PLOD2: variants seen among roughly 807,000 people sequenced by gnomAD.
PLOD2 encodes procollagen-lysine,2-oxoglutarate 5-dioxygenase 2, also known as lysine hydroxylase 2.
In PLOD2, 65 loss-of-function variants were observed where a neutral mutation model predicts 101.0. The ratio of observed to expected loss-of-function variants is 0.64; its 90% CI spans 0.53 to 0.79. The LOEUF (loss-of-function observed/expected upper bound fraction) is 0.79, where lower values mean the gene tolerates loss of function less well. Ranked by LOEUF, PLOD2 falls within the 30% of genes least tolerant of loss-of-function variation. The pLI, the probability that PLOD2 is intolerant of heterozygous loss-of-function variation, is 0.00. For synonymous variants in PLOD2, 314 were observed against 302.9 expected (o/e 1.04, Z -0.38); for missense variants, 909 against 914.6 (o/e 0.99, Z 0.08).
Position 146,133,884 on chromosome 3 carries a change from A to G in PLOD2, c.110-9655T>C, listed in dbSNP as rs541517434. On this transcript the variant is annotated intron_variant, in intron 1 of 19. Transcript: ENST00000282903. ...AACCAAACAAACAAAAACAAAAGCT[A>G]TCTTAACAAGAGAAGTGATGATTAC... Among the ~76,000 whole-genome samples the G allele has an allele frequency of 1.6e-4, 25 of 152,318 alleles. No individual in the cohort carries two copies. In the South Asian group the frequency reaches 3.5e-3, roughly 21 times the overall value.
intron 5 of PLOD2, among the ~76,000 whole-genome samples, chr3:146,104,822 T>G (rs2108058427): frequency 6.6e-6 from 1 of 152,282 alleles, no homozygotes; most frequent in Non-Finnish European, 1.5e-5. Context: ...GGAGCATATA[T>G]CTGCTTAAAA....
At chr3:146,096,725 C>A (rs911925932) in intron 7 of PLOD2, among the ~76,000 whole-genome samples, 1 of 149,106 alleles carries the variant, frequency 6.7e-6, no homozygotes. Context: ...CGTCTCCGCC[C>A]GGAAGCCACC....
At chr3:146,111,694 T>C (rs1647824063) in intron 3 of PLOD2, among the ~76,000 whole-genome samples, 1 of 147,134 alleles carries the variant, frequency 6.8e-6, no homozygotes, top group Admixed American at 6.9e-5. Flanking sequence ...TTTTTCTGAC[T>C]GAAACCTCAA....
Position 146,104,355 on chromosome 3 carries a change from A to G in PLOD2, c.616-13T>C, listed in dbSNP as rs149019740. ...TGTTAATAGCTTCCTAAAACATAAG[A>G]ATAGAAATGATATTGAAAATGACAA... On this transcript the variant is annotated splice_polypyrimidine_tract_variant and intron_variant, in intron 5 of 19. Coordinates refer to ENST00000282903, the MANE Select transcript of PLOD2 (RefSeq NM_182943.3). 2.0e-5 allele frequency: 27 copies of G among 1,339,418 alleles called. No homozygotes were observed. Among genetic ancestry groups the G allele is most frequent in the Non-Finnish European group, 2.9e-5 (27 of 929,864 alleles). The allele number at this position is 1,339,418 out of a possible 1,614,324, so 83.0% of individuals were successfully genotyped here.
chr3:146,072,733 T>A (rs964401527), intron 16 of PLOD2, 68 bp from the exon 17 acceptor site: 2 of 927,088 alleles, frequency 2.2e-6, no homozygotes, highest in African/African-American at 3.3e-5. Context: ...AAATAGTTAT[T>A]TTAATATGTG....
chr3:146,152,811 G>A (rs1416406330), intron 1 of PLOD2, among the ~76,000 whole-genome samples: 1 of 152,200 alleles, frequency 6.6e-6, no homozygotes, highest in African/African-American at 2.4e-5. Flanking sequence ...CAAAGTCAGA[G>A]AAGAGTAAGA....
At chr3:146,086,954 G>A (rs756248567) in intron 9 of PLOD2, 46 bp from the exon 10 acceptor site, 3 of 1,184,926 alleles carry the variant, frequency 2.5e-6, no homozygotes, top group Non-Finnish European at 3.7e-6. Context: ...AAGACAATCA[G>A]ATGACTGAAG....
At chr3:146,117,062 C>A (rs993434804) in intron 3 of PLOD2, among the ~76,000 whole-genome samples, 2 of 152,040 alleles carry the variant, frequency 1.3e-5, no homozygotes, top group African/African-American at 4.8e-5. Flanking sequence ...GATGACTGCA[C>A]GACTCTGTAA....
intron 4 of PLOD2, among the ~76,000 whole-genome samples, chr3:146,107,169 G>A (rs1937549295): frequency 6.6e-6 from 1 of 152,182 alleles, no homozygotes. Context: ...TTATATCTAA[G>A]ACATTTTGGA....
chr3:146,113,389 A>G (rs1464353973), intron 3 of PLOD2, among the ~76,000 whole-genome samples: 2 of 152,176 alleles, frequency 1.3e-5, no homozygotes, highest in Non-Finnish European at 2.9e-5. Context: ...TTGGCTGTAA[A>G]AAGTCAAATT....
intron 1 of PLOD2, among the ~76,000 whole-genome samples, chr3:146,128,099 A>G (rs1368541829): frequency 6.6e-6 from 1 of 152,156 alleles, no homozygotes; most frequent in Non-Finnish European, 1.5e-5. Context: ...AGGATAAGGA[A>G]AGATAAAATG....
intron 11 of PLOD2, among the ~76,000 whole-genome samples, chr3:146,084,105 G>C (rs1289943551): frequency 6.6e-6 from 1 of 151,980 alleles, no homozygotes. Context: ...CAAGAAAATA[G>C]TACTGAATTA....
At chr3:146,127,736 G>A (rs1291867395) in intron 1 of PLOD2, among the ~76,000 whole-genome samples, 2 of 151,944 alleles carry the variant, frequency 1.3e-5, no homozygotes, top group Non-Finnish European at 2.9e-5. Flanking sequence ...GAAGAAATAC[G>A]AGTGGCCAAG....
chr3:146,103,160 C>G (rs1196343722), intron 6 of PLOD2, among the ~76,000 whole-genome samples: 1 of 152,096 alleles, frequency 6.6e-6, no homozygotes, highest in East Asian at 1.9e-4. Flanking sequence ...CTGCCTTTGC[C>G]CCTTCATAGT....
At chr3:146,137,839 T>C (rs1460915009) in intron 1 of PLOD2, among the ~76,000 whole-genome samples, 1 of 151,832 alleles carries the variant, frequency 6.6e-6, no homozygotes, top group African/African-American at 2.4e-5. Flanking sequence ...AATAAAAAAA[T>C]TGGTATTTCT....
intron 1 of PLOD2, among the ~76,000 whole-genome samples, chr3:146,157,722 A>G (rs1469638759): frequency 6.6e-6 from 1 of 152,182 alleles, no homozygotes; most frequent in African/African-American, 2.4e-5. Context: ...TAGTAGTTTT[A>G]TATGTCTGTT....
At chr3:146,160,258 G>C (rs1231834891) in intron 1 of PLOD2, among the ~76,000 whole-genome samples, 1 of 152,164 alleles carries the variant, frequency 6.6e-6, no homozygotes, top group African/African-American at 2.4e-5. Context: ...AGACAGCACC[G>C]GGCTCAAGAA....
intron 1 of PLOD2, among the ~76,000 whole-genome samples, chr3:146,147,167 G>GAA (rs2031820481): frequency 6.6e-6 from 1 of 152,122 alleles, no homozygotes; most frequent in Non-Finnish European, 1.5e-5. Context: ...TATTTGCAGA[G>GAA]AATACTGTAG....
Position 146,124,202 on chromosome 3 carries a change from G to C in PLOD2, c.137C>G (p.Thr46Arg). 6.3e-7 allele frequency: 1 copy of C among 1,591,018 alleles called. No individual in the cohort carries two copies. The highest frequency in any genetic ancestry group is 2.2e-5 in the East Asian group (1 of 44,648). Reference sequence around the variant, plus strand: ...TCGATGGAATCCATCACTTTCTTTTGTTGCTACAGTTATGACTAATAATTT... The same window carrying C: ...TCGATGGAATCCATCACTTTCTTTTCTTGCTACAGTTATGACTAATAATTT... Reference protein sequence around the residue: ...TDKLLVITVATKESDGFHRFM... With the variant: ...TDKLLVITVARKESDGFHRFM... Residue 46 changes from threonine to arginine, a missense_variant, in exon 2 of 20, where the codon ACA becomes AGA. Thr to Arg is a moderately conservative substitution (Grantham distance 71). Coordinates refer to ENST00000282903, the MANE Select transcript of PLOD2 (RefSeq NM_182943.3).
Sources: gnomAD v4.1 joint callset for allele counts (sites outside exome capture counted in the v4.1 genomes callset) on GRCh38, gnomAD v4.1.1 for gene constraint, MANE v1.5 for transcripts, NCBI Gene and HGNC (gene_info 2026-07-23, HGNC 2026-07-21) for gene names.